The following AGO3 variants were observed in gnomAD, a reference collection of about 807,000 sequenced individuals.
The protein encoded by AGO3 is protein argonaute-3.
AGO3 carries 16 observed loss-of-function variants against 105.5 expected under a neutral mutation model. The ratio of observed to expected loss-of-function variants is 0.15; its 90% CI spans 0.10 to 0.23. The LOEUF is 0.23. AGO3 is among the 10% of genes least tolerant of loss of function. AGO3 has a pLI of 1.00. For missense variants in AGO3, 534 were observed against 1,088.0 expected (o/e 0.49, Z 7.16); for synonymous variants, 340 against 367.3 (o/e 0.93, Z 0.85).
chr1:36,036,604 A>G (rs1253343214), intron 14 of AGO3, among the ~76,000 whole-genome samples: 2 of 152,250 alleles, frequency 1.3e-5, no homozygotes, highest in African/African-American at 2.4e-5. Flanking sequence ...GATACACTAC[A>G]TATAAGCTTG....
chr1:36,015,406 A>G (rs564245422), intron 11 of AGO3, among the ~76,000 whole-genome samples: 1 of 152,262 alleles, frequency 6.6e-6, no homozygotes, highest in South Asian at 2.1e-4. Context: ...TGGATGCTTC[A>G]TTACATAGGC....
At chr1:35,983,389 TAGTG>T (rs1647092602) in intron 5 of AGO3, 1 of 115,964 alleles carries the variant, frequency 8.6e-6, no homozygotes, top group Non-Finnish European at 1.7e-5. Flanking sequence ...CTGAACAACA[TAGTG>T]AGACCTGATC....
chr1:36,023,988 T>G (rs139645891), intron 11 of AGO3, among the ~76,000 whole-genome samples: 13 of 152,286 alleles, frequency 8.5e-5, no homozygotes, highest in Non-Finnish European at 1.8e-4. Context: ...TAACAATCTC[T>G]TAGGCTTCCA....
intron 17 of AGO3, among the ~76,000 whole-genome samples, chr1:36,050,806 A>G (rs1642685108): frequency 6.6e-6 from 1 of 151,718 alleles, no homozygotes; most frequent in African/African-American, 2.4e-5. Flanking sequence ...AAAAAAAAAA[A>G]AAAAGATACT....
chr1:36,016,520 T>A (rs145350975), intron 11 of AGO3, among the ~76,000 whole-genome samples: 2 of 152,266 alleles, frequency 1.3e-5, no homozygotes, highest in East Asian at 3.9e-4. Flanking sequence ...ACCTCTAGAC[T>A]GAACTTAAAA....
At position 36,067,217 on chromosome 1, in the gene AGO3, T is replaced by A. The variant is rs1259396452; in HGVS notation, c.*11472T>A. ...GGGATTTGGTAAAAACACTGGTTAG[T>A]TTGTAATGAAGAAAGAATTTTGGCA... On this transcript the variant is annotated 3_prime_UTR_variant, in exon 19 of 19. Coordinates refer to ENST00000373191, the MANE Select transcript of AGO3 (RefSeq NM_024852.4). 6.6e-6 allele frequency: 1 copy of A among 152,268 alleles called. No individual in the cohort carries two copies. The highest frequency in any genetic ancestry group is 1.5e-5 in the Non-Finnish European group (1 of 68,016). The allele number at this position is 152,268 out of a possible 1,614,324, so 9.4% of individuals were successfully genotyped here.
rs532184553 is a variant in AGO3 at position 36,026,565 on chromosome 1, A to C, written c.1407-549A>C. ...TTGGCCAAATATGTAATGTCTATGA[A>C]ACTATTTTCTGATCTGTAAAACAGG... On this transcript the variant is annotated intron_variant, in intron 11 of 18. Transcript: ENST00000373191. Among the ~76,000 whole-genome samples, 10 of 152,326 alleles carry C rather than the reference A, an allele frequency of 6.6e-5. No individual in the cohort carries two copies. The East Asian group carries it at 1.9e-3, about 29-fold the overall frequency.
chr1:35,968,033 C>T (rs1646805109), intron 3 of AGO3, among the ~76,000 whole-genome samples: 1 of 152,044 alleles, frequency 6.6e-6, no homozygotes, highest in Admixed American at 6.5e-5. Context: ...TGATACTTCC[C>T]CTTGATTACA....
At chr1:35,964,601 CTT>C (rs1233049151) in intron 2 of AGO3, among the ~76,000 whole-genome samples, 2 of 152,150 alleles carry the variant, frequency 1.3e-5, no homozygotes, top group Non-Finnish European at 2.9e-5. Flanking sequence ...ATGCATGTGT[CTT>C]TATGATAGAA....
intron 5 of AGO3, among the ~76,000 whole-genome samples, chr1:35,996,932 G>A (rs1051754299): frequency 1.3e-5 from 2 of 152,140 alleles, no homozygotes; most frequent in Non-Finnish European, 2.9e-5. Flanking sequence ...TGTTGACAAA[G>A]ATTTGGAGCA....
At chr1:36,041,180 A>AT (rs1553170681) in intron 16 of AGO3, among the ~76,000 whole-genome samples, 6 of 146,486 alleles carry the variant, frequency 4.1e-5, no homozygotes, top group South Asian at 4.3e-4. Context: ...GTGAATGTAT[A>AT]TTTTTTATAA....
chr1:35,946,394 C>A (rs1646365662), intron 2 of AGO3, among the ~76,000 whole-genome samples: 1 of 152,074 alleles, frequency 6.6e-6, no homozygotes, highest in Admixed American at 6.6e-5. Flanking sequence ...CTCTCGCCTC[C>A]CCCAAATGCC....
In AGO3 at chr1:36,068,683, A is replaced by G. The variant is rs1643124709; in HGVS notation, c.*12938A>G. ...ATACATGGCTTCTAAAATATGTAAA[A>G]AATTATATTGAATGAATTAATACTT... On this transcript the variant is annotated 3_prime_UTR_variant, in exon 19 of 19. Transcript: ENST00000373191. 6.6e-6 allele frequency: 1 copy of G among 152,218 alleles called. No individual in the cohort carries two copies. Among genetic ancestry groups the G allele is most frequent in the Non-Finnish European group, 1.5e-5 (1 of 68,038 alleles). The allele number at this position is 152,218 out of a possible 1,614,324, so 9.4% of individuals were successfully genotyped here.
At chr1:35,930,983 G>A (rs1646030507), upstream of AGO3, 2 of 336,390 alleles carry the variant, frequency 5.9e-6, no homozygotes, top group Non-Finnish European at 1.1e-5. Context: ...GGCGTCCTCC[G>A]CGCCGGCCGC....
chr1:36,027,544 G>A lies in AGO3; in HGVS notation c.1591+246G>A, dbSNP rs559542119. 3.9e-5 allele frequency among the ~76,000 whole-genome samples: 6 copies of A among 152,286 alleles called. No homozygotes were observed. Among genetic ancestry groups the A allele is most frequent in the East Asian group, 3.9e-4 (2 of 5,172 alleles). On this transcript the variant is annotated intron_variant, in intron 12 of 18. Coordinates refer to ENST00000373191, the MANE Select transcript of AGO3 (RefSeq NM_024852.4). This position sits in a 1 kb window ranked among gnomAD's most constrained non-coding sequence, Gnocchi z 4.0. Reference sequence around the variant, plus strand: ...TGTAATCCCAGCACTTTGGGAGGCCGAGGCGGGTGGATCACCTGAGGTCAG... The same window carrying A: ...TGTAATCCCAGCACTTTGGGAGGCCAAGGCGGGTGGATCACCTGAGGTCAG...
In AGO3 at chr1:36,037,191, T is replaced by C. The variant is rs147586135; in HGVS notation, c.1842+924T>C. Among the ~76,000 whole-genome samples the C allele has an allele frequency of 2.4e-4, 36 of 152,310 alleles. No homozygotes were observed. In the East Asian group the frequency reaches 6.4e-3, roughly 27 times the overall value. On this transcript the variant is annotated intron_variant, in intron 14 of 18. Coordinates refer to ENST00000373191, the MANE Select transcript of AGO3 (RefSeq NM_024852.4). Reference sequence around the variant, plus strand: ...AACATTTCGAAAATATGAACATCTTTTAGGCATATTTAATAAACTTCAGAA... The same window carrying C: ...AACATTTCGAAAATATGAACATCTTCTAGGCATATTTAATAAACTTCAGAA...
intron 5 of AGO3, among the ~76,000 whole-genome samples, chr1:35,990,583 T>C (rs1647543114): frequency 6.6e-6 from 1 of 152,222 alleles, no homozygotes; most frequent in Non-Finnish European, 1.5e-5. Context: ...CTATCCCATT[T>C]TGCTTTTAGT....
chr1:36,014,156 C>T, intron 11 of AGO3, 108 bp downstream of exon 11: 1 of 1,436,072 alleles, frequency 7.0e-7, no homozygotes, highest in Non-Finnish European at 9.5e-7. Flanking sequence ...TATGTAATCA[C>T]TGAACCATTT....
At chr1:35,950,979 CAG>C (rs776706359) in intron 2 of AGO3, among the ~76,000 whole-genome samples, 5 of 151,994 alleles carry the variant, frequency 3.3e-5, no homozygotes, top group Non-Finnish European at 7.4e-5. Flanking sequence ...ATTTTTTAGA[CAG>C]AGTCTTACTC....
Sources: gnomAD v4.1 joint callset for allele counts (sites outside exome capture counted in the v4.1 genomes callset) on GRCh38, gnomAD v4.1.1 for gene constraint, Gnocchi (gnomAD v3.1) non-coding constraint, MANE v1.5 for transcripts, NCBI Gene and HGNC (gene_info 2026-07-23, HGNC 2026-07-21) for gene names.